Variants in RRAGD observed in about 807,000 individuals in gnomAD.
RRAGD encodes Ras related GTP binding D.
A neutral mutation model predicts 35.5 loss-of-function variants in RRAGD; 12 were observed. That is an observed-to-expected ratio of 0.34 (90% CI 0.22 to 0.55). The LOEUF (loss-of-function observed/expected upper bound fraction) is 0.55. Ranked by LOEUF, RRAGD falls within the 20% of genes least tolerant of loss-of-function variation. The probability of loss-of-function intolerance (pLI) is 0.91; values close to 1 mark genes in which losing one functional copy is unlikely to be tolerated. For synonymous variants in RRAGD, 155 were observed against 178.9 expected, an observed-to-expected ratio of 0.87 and a Z score of 1.07; for missense variants, 324 against 490.1, an observed-to-expected ratio of 0.66 and a Z score of 3.20.
At chr6:89,373,705 C>T (rs1582504111) in intron 5 of RRAGD, among the ~76,000 whole-genome samples, 1 of 140,912 alleles carries the variant, frequency 7.1e-6, no homozygotes, top group Non-Finnish European at 1.5e-5. Context: ...AATCTCATTT[C>T]TTTTATTTGC....
intron 1 of RRAGD, among the ~76,000 whole-genome samples, chr6:89,407,830 T>C (rs1248563664): frequency 5.9e-5 from 9 of 151,912 alleles, no homozygotes; most frequent in Non-Finnish European, 1.2e-4. Flanking sequence ...TCGGCTCTTA[T>C]CCAGAACTTG....
intron 6 of RRAGD, among the ~76,000 whole-genome samples, 166 bp downstream of exon 6, chr6:89,372,271 G>A (rs2296193): frequency 0.051 from 7,717 of 152,298 alleles, 414 homozygotes; most frequent in East Asian, 0.29. Flanking sequence ...CTGACACTGG[G>A]GGCAGGAGCC....
At position 89,387,466 on chromosome 6, in the gene RRAGD, A is replaced by G. The variant is rs909950631; in HGVS notation, c.273T>C (p.Thr91=). ...VVFHKMSPNE[T]LFLESTNKIC... ...TCTTATTAGTGCTCTCCAAGAACAG[A>G]GTTTCGTTGGGAGACATTTTGTGAA... is the stretch of plus-strand genomic sequence containing the variant. Residue 91 remains threonine, a synonymous_variant, in exon 2 of 7, where the codon ACT becomes ACC. Transcript: ENST00000369415. 3.1e-6 allele frequency: 5 copies of G among 1,614,184 alleles called. No individual in the cohort carries two copies. The East Asian group carries it at 1.1e-4, about 36-fold the overall frequency.
Position 89,379,204 on chromosome 6 carries a change from C to T in RRAGD, c.759+20G>A. 1 of 1,260,094 alleles carries T rather than the reference C, an allele frequency of 7.9e-7. No homozygotes were observed. The highest frequency in any genetic ancestry group is 1.1e-6 in the Non-Finnish European group (1 of 876,468). The allele number at this position is 1,260,094 out of a possible 1,614,324, so 78.1% of individuals were successfully genotyped here. A position where few individuals can be genotyped will look rare whatever the true frequency, so the allele number is the denominator to read the frequency against. On this transcript the variant is annotated intron_variant, in intron 4 of 6. Coordinates refer to ENST00000369415, the MANE Select transcript of RRAGD (RefSeq NM_021244.5). The stretch of plus-strand genomic sequence containing the variant: ...TTTCAAATTCTACAAGTGACTCAAA[C>T]AGGAATATTATTTACTTACTGAGAT...
At chr6:89,377,978 A>T (rs1768974745) in intron 4 of RRAGD, among the ~76,000 whole-genome samples, 165 bp from the exon 5 acceptor site, 1 of 152,218 alleles carries the variant, frequency 6.6e-6, no homozygotes, top group Non-Finnish European at 1.5e-5. Flanking sequence ...CTTCACTGTC[A>T]TAAACTTCTC....
In RRAGD at chr6:89,381,118, G is replaced by A. The variant is rs1044220076; in HGVS notation, c.445-751C>T. Among the ~76,000 whole-genome samples the A allele has an allele frequency of 1.8e-4, 28 of 152,126 alleles. 1 individual carries two copies. The highest frequency in any genetic ancestry group is 6.8e-4 in the African/African-American group (28 of 41,426). The stretch of plus-strand genomic sequence containing the variant: ...CAATTTTAAGAACCACTGGTTCAGT[G>A]CAGAAGTCAGCAGACCACCGTCTGC... On this transcript the variant is annotated intron_variant, in intron 2 of 6. Transcript: ENST00000369415.
chr6:89,389,342 T>C (rs1769191020), intron 1 of RRAGD, among the ~76,000 whole-genome samples: 1 of 151,656 alleles, frequency 6.6e-6, no homozygotes, highest in Non-Finnish European at 1.5e-5. Flanking sequence ...GATCACGAGG[T>C]CAGCAGATCA....
intron 1 of RRAGD, among the ~76,000 whole-genome samples, chr6:89,390,354 G>C (rs1383325069): frequency 6.6e-6 from 1 of 152,134 alleles, no homozygotes. Context: ...AATGAGCAAA[G>C]GATGCGAATA....
At position 89,412,257 on chromosome 6, in the gene RRAGD, G is replaced by GGA. The variant is rs148684631; in HGVS notation, c.-266_-265dup. On this transcript the variant is annotated 5_prime_UTR_variant, in exon 1 of 7. Coordinates refer to ENST00000369415, the MANE Select transcript of RRAGD (RefSeq NM_021244.5). The surrounding 1 kb of genome is among the most constrained non-coding windows in gnomAD (Gnocchi z 4.2). ...AGCGCGGCAGTTCCTCCCGGAGGAG[G>GGA]GAGAGAGAGAGAGACTGCGTGACCC... 511 of 224,308 alleles carry GGA rather than the reference G, an allele frequency of 2.3e-3. 1 individual carries two copies. Among genetic ancestry groups the GGA allele is most frequent in the Middle Eastern group, 2.9e-3 (2 of 698 alleles). The allele number at this position is 224,308 out of a possible 1,614,324, so 13.9% of individuals were successfully genotyped here. A position where few individuals can be genotyped will look rare whatever the true frequency, so the allele number is the denominator to read the frequency against.
intron 1 of RRAGD, among the ~76,000 whole-genome samples, chr6:89,392,474 T>G (rs1237607855): frequency 1.0e-5 from 1 of 97,290 alleles, no homozygotes; most frequent in Non-Finnish European, 2.0e-5. Context: ...TGCAAAACCC[T>G]GTCTCGAAAA....
chr6:89,367,031 C>G lies in RRAGD; in HGVS notation c.*1025G>C, dbSNP rs1157931127. ...CCATGGTGGGGTTCTGCGATTTGTT[C>G]TATTCACTATGGTCATGGAGCAATA... is the stretch of plus-strand genomic sequence containing the variant. On this transcript the variant is annotated 3_prime_UTR_variant, in exon 7 of 7. Coordinates refer to ENST00000369415, the MANE Select transcript of RRAGD (RefSeq NM_021244.5). The G allele has an allele frequency of 1.3e-5, 2 of 152,184 alleles. No homozygotes were observed. Among genetic ancestry groups the G allele is most frequent in the East Asian group, 3.8e-4 (2 of 5,200 alleles). The allele number at this position is 152,184 out of a possible 1,614,324, so 9.4% of individuals were successfully genotyped here.
intron 1 of RRAGD, among the ~76,000 whole-genome samples, chr6:89,401,555 C>A (rs1196620769): frequency 1.3e-5 from 2 of 151,694 alleles, no homozygotes; most frequent in African/African-American, 4.8e-5. Flanking sequence ...CTCGCCCGGC[C>A]CCCCACAGCA....
chr6:89,412,207 G>T lies in RRAGD; in HGVS notation c.-214C>A. 3.2e-6 allele frequency: 1 copy of T among 310,830 alleles called. No homozygotes were observed. The highest frequency in any genetic ancestry group is 5.8e-6 in the Non-Finnish European group (1 of 173,770). 19.3% of individuals were successfully genotyped at this position (310,830 alleles called of 1,614,324 possible). ...CGCCCGAAGCCCCCTCCCCCGCCCC[G>T]CCCGCCGGCGGAGGAGTCAGCCGGA... On this transcript the variant is annotated 5_prime_UTR_variant, in exon 1 of 7. Transcript: ENST00000369415. The surrounding 1 kb of genome is among the most constrained non-coding windows in gnomAD (Gnocchi z 4.2).
intron 1 of RRAGD, among the ~76,000 whole-genome samples, chr6:89,401,478 A>T (rs1769460228): frequency 6.6e-6 from 1 of 151,656 alleles, no homozygotes; most frequent in African/African-American, 2.4e-5. Context: ...CTGGTCTTGA[A>T]CTCCTGACCT....
chr6:89,382,689 C>T (rs1297351492), intron 2 of RRAGD, among the ~76,000 whole-genome samples: 2 of 151,834 alleles, frequency 1.3e-5, no homozygotes, highest in African/African-American at 4.8e-5. Flanking sequence ...GCCTGACCAA[C>T]ATGGTGAAAC....
At chr6:89,386,854 ATTATC>A (rs1293355367) in intron 2 of RRAGD, among the ~76,000 whole-genome samples, 2 of 152,220 alleles carry the variant, frequency 1.3e-5, no homozygotes, top group Admixed American at 6.5e-5. Flanking sequence ...ACATAATTAT[ATTATC>A]TTAAGCAATA....
intron 2 of RRAGD, among the ~76,000 whole-genome samples, chr6:89,383,276 A>G (rs995342606): frequency 2.0e-5 from 3 of 152,222 alleles, no homozygotes; most frequent in Non-Finnish European, 4.4e-5. Context: ...AAAACTACCC[A>G]ATGTCAAGAG....
At chr6:89,372,409 CT>C in intron 6 of RRAGD, 27 bp downstream of exon 6, 1 of 1,585,584 alleles carries the variant, frequency 6.3e-7, no homozygotes. Context: ...TCTTTTAATG[CT>C]TCTTTTAAAT....
intron 1 of RRAGD, among the ~76,000 whole-genome samples, chr6:89,390,820 C>T (rs1241451820): frequency 1.3e-5 from 2 of 151,996 alleles, no homozygotes; most frequent in Non-Finnish European, 2.9e-5. Context: ...ATCACTTGAA[C>T]CTGGGAGGCA....
Sources: allele counts gnomAD v4.1 joint callset (sites outside exome capture counted in the v4.1 genomes callset), GRCh38; gene constraint gnomAD v4.1.1; non-coding constraint Gnocchi (gnomAD v3.1); transcripts MANE v1.5; gene names NCBI Gene and HGNC (gene_info 2026-07-23, HGNC 2026-07-21).